Variants in DUOX2 observed in about 807,000 individuals in gnomAD.
DUOX2 encodes NADH/NADPH thyroid oxidase p138-tox.
A neutral mutation model predicts 183.3 loss-of-function variants in DUOX2; 185 were observed. The observed-to-expected ratio is 1.01, with a 90% CI of 0.90 to 1.14. The LOEUF is 1.14. DUOX2 is among the 50% of genes most tolerant of loss of function. The probability of loss-of-function intolerance (pLI) is 0.00; values close to 1 mark genes in which losing one functional copy is unlikely to be tolerated. For synonymous variants in DUOX2, 788 were observed against 812.4 expected, an observed-to-expected ratio of 0.97 and a Z score of 0.51; for missense variants, 1,999 against 2,022.9, an observed-to-expected ratio of 0.99 and a Z score of 0.23.
In DUOX2 at chr15:45,099,813, GGCC is replaced by G. The variant is rs1566972804; in HGVS notation, c.3261_3263del (p.Ala1088del). ...TATAAGAGAACATGAAGGAGACGCT[GGCC>G]GCCGTGCCTCGTGACAGGATGATGC... On this transcript the variant is annotated inframe_deletion, in exon 25 of 34. Transcript: ENST00000389039. 5 of 1,614,096 alleles carry G rather than the reference GGCC, an allele frequency of 3.1e-6. No homozygotes were observed. The Admixed American group carries it at 8.3e-5, about 27-fold the overall frequency.
chr15:45,106,200 C>A lies in DUOX2; in HGVS notation c.2073G>T (p.Gln691His). The A allele has an allele frequency of 1.2e-6, 2 of 1,614,196 alleles. No individual in the cohort carries two copies. The highest frequency in any genetic ancestry group is 1.7e-6 in the Non-Finnish European group (2 of 1,180,038). Reference sequence around the variant, plus strand: ...TGTTGGACAGGATGAGGTTGACCTGCTGCAGAGGCTGCAGCTGGACCACAC... The same window carrying A: ...TGTTGGACAGGATGAGGTTGACCTGATGCAGAGGCTGCAGCTGGACCACAC... ...VLRVVQLQPL[Q>H]QVNLILSNNR... The change falls in exon 17 of 34, where the codon CAG (glutamine) becomes CAT (histidine). Residue 691 changes from glutamine (Q) to histidine (H), a missense_variant. By Grantham distance (24) the Gln-to-His change is conservative (BLOSUM62 0). Around this residue, in one of 3 missense-constraint regions of DUOX2, gnomAD observed 1,628 missense variants for 1,608.6 expected, o/e 1.01. Coordinates refer to ENST00000389039, the MANE Select transcript of DUOX2 (RefSeq NM_001363711.2).
At position 45,111,508 on chromosome 15, in the gene DUOX2, G is replaced by A; in HGVS notation, c.591C>T (p.Ser197=). 1 of 1,551,608 alleles carries A rather than the reference G, an allele frequency of 6.4e-7. No homozygotes were observed. Among genetic ancestry groups the A allele is most frequent in the Non-Finnish European group, 8.7e-7 (1 of 1,151,232 alleles). The change falls in exon 6 of 34, where the codon AGC becomes AGT. Residue 197 remains serine, a synonymous_variant. Transcript: ENST00000389039. ...CCGACGCCAGCTGTCCCCCCGAGAA[G>A]CTCCGCAGCGCGTCGCTCCAGGAGT... ...SSHSWSDALR[S]FSGGQLASGP...
chr15:45,099,925 A>G, intron 24 of DUOX2, 33 bp from the exon 25 acceptor site: 1 of 1,612,278 alleles, frequency 6.2e-7, no homozygotes, highest in Non-Finnish European at 8.5e-7. Context: ...TCAGCTTGGC[A>G]CAGGTGGCCA....
rs1461845835 is a variant in DUOX2, at chr15:45,109,991, G to T, written c.1041-11C>A. ...TGACAGCTGGCATTTCTGAAATTGA[G>T]AACAAAGGATGTGGTGAGGGAATTT... is the stretch of plus-strand genomic sequence containing the variant. On this transcript the variant is annotated splice_polypyrimidine_tract_variant and intron_variant, in intron 9 of 33. Coordinates refer to ENST00000389039, the MANE Select transcript of DUOX2 (RefSeq NM_001363711.2). 1 of 1,613,306 alleles carries T rather than the reference G, an allele frequency of 6.2e-7. No homozygotes were observed. The highest frequency in any genetic ancestry group is 1.3e-5 in the African/African-American group (1 of 74,900).
At chr15:45,099,620 A>G in intron 25 of DUOX2, 42 bp downstream of exon 25, 1 of 1,609,186 alleles carries the variant, frequency 6.2e-7, no homozygotes. Flanking sequence ...AACTAGACCC[A>G]GGGTGCTGCA....
chr15:45,113,145 T>C, intron 2 of DUOX2, 69 bp from the exon 3 acceptor site: 2 of 1,537,520 alleles, frequency 1.3e-6, no homozygotes, highest in Non-Finnish European at 1.8e-6. Flanking sequence ...ACGAAGGCCT[T>C]GGCCAGTCCT....
Position 45,108,853 on chromosome 15 carries a change from A to C in DUOX2, c.1334T>G (p.Leu445Arg). 6.2e-7 allele frequency: 1 copy of C among 1,614,250 alleles called. No individual in the cohort carries two copies. The highest frequency in any genetic ancestry group is 8.5e-7 in the Non-Finnish European group (1 of 1,180,030). ...DMGLPSYSQALLAFGLDIPRN... is the reference protein window; with the variant it reads ...DMGLPSYSQARLAFGLDIPRN... ...TGGGATGTCCAGCCCAAAGGCCAGCAGGGCCTGGCTATAGCTGGGCAGCCC... is the reference window on the plus strand; with the variant it reads ...TGGGATGTCCAGCCCAAAGGCCAGCCGGGCCTGGCTATAGCTGGGCAGCCC... Residue 445 changes from leucine (L) to arginine (R), a missense_variant, in exon 12 of 34, where the codon CTG (leucine) becomes CGG (arginine). Around this residue, in one of 3 missense-constraint regions of DUOX2, gnomAD observed 1,628 missense variants for 1,608.6 expected, o/e 1.01. Transcript: ENST00000389039.
rs547305046 is a variant in DUOX2 at position 45,094,925 on chromosome 15, C to A, written c.4395+11G>T. Reference sequence around the variant, plus strand: ...CCGCCAAGTTGCCCTGCCTGGCGGGCCCTGACATACTAGCATGGTGGTCCT... The same window carrying A: ...CCGCCAAGTTGCCCTGCCTGGCGGGACCTGACATACTAGCATGGTGGTCCT... On this transcript the variant is annotated intron_variant, in intron 32 of 33. Coordinates refer to ENST00000389039, the MANE Select transcript of DUOX2 (RefSeq NM_001363711.2). 2 of 1,613,776 alleles carry A rather than the reference C, an allele frequency of 1.2e-6. No homozygotes were observed. The highest frequency in any genetic ancestry group is 1.7e-5 in the Admixed American group (1 of 60,020).
rs1894214684 is a variant in DUOX2 at position 45,106,400 on chromosome 15, G to A, written c.1946-73C>T. 6 of 1,598,372 alleles carry A rather than the reference G, an allele frequency of 3.8e-6. No homozygotes were observed. The East Asian group carries it at 1.3e-4, about 36-fold the overall frequency. Reference sequence around the variant, plus strand: ...TCCCCGCCTTCAGGTCAATTCCTCTGTGAGTCTGAGCAGGCGCCCTAAAGG... The same window carrying A: ...TCCCCGCCTTCAGGTCAATTCCTCTATGAGTCTGAGCAGGCGCCCTAAAGG... On this transcript the variant is annotated intron_variant, in intron 16 of 33. Coordinates refer to ENST00000389039, the MANE Select transcript of DUOX2 (RefSeq NM_001363711.2).
rs752020770 is a variant in DUOX2, at chr15:45,108,936, A to G, written c.1251T>C (p.Pro417=). The G allele has an allele frequency of 2.0e-5, 33 of 1,614,118 alleles. No individual in the cohort carries two copies. Among genetic ancestry groups the G allele is most frequent in the Non-Finnish European group, 2.6e-5 (31 of 1,180,052 alleles). The change falls in exon 12 of 34, where the codon CCT becomes CCC. Residue 417 remains proline (P), a synonymous_variant. Coordinates refer to ENST00000389039, the MANE Select transcript of DUOX2 (RefSeq NM_001363711.2). ...VEDLRDYWPG[P]GKFSRTDYVA... Reference sequence around the variant, plus strand: ...CATAGTCTGTACGGGAGAATTTGCCAGGGCCAGGCCAGTAATCTGAAGAGG... The same window carrying G: ...CATAGTCTGTACGGGAGAATTTGCCGGGGCCAGGCCAGTAATCTGAAGAGG...
chr15:45,097,399 C>A lies in DUOX2; in HGVS notation c.3694-8G>T. ...GCTGCCATGGATGATGAGCTGGAGA[C>A]ACGGCCAGTTAGTACAACTCAGGCC... On this transcript the variant is annotated splice_polypyrimidine_tract_variant and splice_region_variant and intron_variant, in intron 28 of 33. Coordinates refer to ENST00000389039, the MANE Select transcript of DUOX2 (RefSeq NM_001363711.2). 1 of 1,614,232 alleles carries A rather than the reference C, an allele frequency of 6.2e-7. No individual in the cohort carries two copies. The highest frequency in any genetic ancestry group is 2.2e-5 in the East Asian group (1 of 44,892).
In DUOX2 at chr15:45,106,523, C is replaced by A. The variant is rs1292503895; in HGVS notation, c.1945+5G>T. Reference sequence around the variant, plus strand: ...TCCTCCCTCCTCTGCCCAGCCCCTGCTCACCTGGCACTCCATCTTTGGCTG... The same window carrying A: ...TCCTCCCTCCTCTGCCCAGCCCCTGATCACCTGGCACTCCATCTTTGGCTG... On this transcript the variant is annotated splice_donor_5th_base_variant and intron_variant, in intron 16 of 33. Transcript: ENST00000389039. 6.2e-7 allele frequency: 1 copy of A among 1,614,018 alleles called. No homozygotes were observed. The highest frequency in any genetic ancestry group is 8.5e-7 in the Non-Finnish European group (1 of 1,179,928).
intron 9 of DUOX2, among the ~76,000 whole-genome samples, 169 bp downstream of exon 9, chr15:45,110,259 C>T (rs1894344165): frequency 6.6e-6 from 1 of 152,176 alleles, no homozygotes; most frequent in South Asian, 2.1e-4. Context: ...GGAGAGATTT[C>T]CCTACTAAGC....
chr15:45,107,794 T>C lies in DUOX2; in HGVS notation c.1574+253A>G, dbSNP rs166574. 0.74 allele frequency among the ~76,000 whole-genome samples: 105,697 copies of C among 143,406 alleles called. 44,390 individuals carry two copies. Among genetic ancestry groups the C allele is most frequent in the East Asian group, 0.94 (4,690 of 4,966 alleles). The allele number at this position is 143,406 out of a possible 152,430, so 94.1% of individuals were successfully genotyped here. ...TGAACCTGGGAGGTAGAGGGTGCATTGAGCCAAGATCACGCCACTGCACTC... is the reference window on the plus strand; with the variant it reads ...TGAACCTGGGAGGTAGAGGGTGCATCGAGCCAAGATCACGCCACTGCACTC... On this transcript the variant is annotated intron_variant, in intron 13 of 33. Coordinates refer to ENST00000389039, the MANE Select transcript of DUOX2 (RefSeq NM_001363711.2).
intron 15 of DUOX2, 23 bp from the exon 16 acceptor site, chr15:45,106,664 G>A (rs752035750): frequency 4.3e-6 from 7 of 1,613,526 alleles, no homozygotes; most frequent in East Asian, 2.2e-5. Context: ...AGAAGGAACA[G>A]TGAGGAGGGA....
At chr15:45,105,380 G>A (rs925305477) in intron 18 of DUOX2, among the ~76,000 whole-genome samples, 6 of 152,146 alleles carry the variant, frequency 3.9e-5, no homozygotes, top group Non-Finnish European at 7.3e-5. Context: ...CGATCTCACC[G>A]AATCCTCACA....
chr15:45,113,124 C>T (rs1894495293), intron 2 of DUOX2, 48 bp from the exon 3 acceptor site: 2 of 1,585,114 alleles, frequency 1.3e-6, no homozygotes, highest in South Asian at 1.1e-5. Flanking sequence ...CCCAGCTACC[C>T]CTCCCGAGCA....
At chr15:45,102,140 A>G in intron 20 of DUOX2, 151 bp from the exon 21 acceptor site, 2 of 1,023,604 alleles carry the variant, frequency 2.0e-6, no homozygotes, top group Middle Eastern at 2.9e-4. Flanking sequence ...TGCCGCTGAC[A>G]CTAAGCTGGG....
Position 45,095,486 on chromosome 15 carries a change from T to C in DUOX2, c.4190A>G (p.Lys1397Arg). 6.2e-7 allele frequency: 1 copy of C among 1,614,200 alleles called. No homozygotes were observed. The highest frequency in any genetic ancestry group is 1.3e-5 in the African/African-American group (1 of 75,046). The change falls in exon 31 of 34, where the codon AAA (lysine) becomes AGA (arginine). Residue 1397 changes from lysine to arginine, a missense_variant. Lys to Arg is a conservative substitution (Grantham distance 26). Coordinates refer to ENST00000389039, the MANE Select transcript of DUOX2 (RefSeq NM_001363711.2). ...CAAGGATGACTTGAAGACCAGGTCT[T>C]TGAGGATGGAGGCAAAGGGGGTGAC... ...IGVTPFASILKDLVFKSSLGS... is the reference protein window; with the variant it reads ...IGVTPFASILRDLVFKSSLGS...
Sources: allele counts gnomAD v4.1 joint callset (sites outside exome capture counted in the v4.1 genomes callset), GRCh38; gene constraint gnomAD v4.1.1; regional missense constraint gnomAD v4.1.1; transcripts MANE v1.5; gene names NCBI Gene and HGNC (gene_info 2026-07-23, HGNC 2026-07-21).